Variants in SNRNP200 observed in about 807,000 individuals in gnomAD.
SNRNP200 encodes small nuclear ribonucleoprotein U5 subunit 200.
A neutral mutation model predicts 255.2 loss-of-function variants in SNRNP200; 66 were observed. The observed-to-expected ratio is 0.26, with a 90% CI of 0.21 to 0.32. The LOEUF is 0.32. SNRNP200 is among the 10% of genes least tolerant of loss of function. SNRNP200 has a pLI of 1.00. For synonymous variants in SNRNP200, 939 were observed against 1,027.8 expected, an observed-to-expected ratio of 0.91 and a Z score of 1.65; for missense variants, 1,585 against 2,749.8, an observed-to-expected ratio of 0.58 and a Z score of 9.47.
Position 96,283,636 on chromosome 2 carries a change from C to A in SNRNP200, c.4662G>T (p.Ser1554=). The change falls in exon 33 of 45, where the codon TCG becomes TCT. Residue 1554 remains serine (S), a synonymous_variant. Coordinates refer to ENST00000323853, the MANE Select transcript of SNRNP200 (RefSeq NM_014014.5). The surrounding 1 kb of genome is among the most constrained non-coding windows in gnomAD (Gnocchi z 4.7). ...KPVYHAITKH[S]PKKPVIVFVP... ...CAAAGACAATGACAGGCTTCTTGGG[C>A]GAGTGCTTGGTGATAGCATGGTACA... 1.9e-6 allele frequency: 3 copies of A among 1,614,054 alleles called. No homozygotes were observed. Among genetic ancestry groups the A allele is most frequent in the Non-Finnish European group, 2.5e-6 (3 of 1,180,028 alleles).
chr2:96,300,913 T>G (rs2063948517), intron 5 of SNRNP200, 85 bp downstream of exon 5: 2 of 1,125,284 alleles, frequency 1.8e-6, no homozygotes, highest in Non-Finnish European at 2.7e-6. Flanking sequence ...TGGTTTAAAC[T>G]AGAGAGCTTG....
In SNRNP200 at chr2:96,295,593, C is replaced by A; in HGVS notation, c.1737G>T (p.Glu579Asp). ...LTGDHQLCKEEISATQIIVCT... is the reference protein window; with the variant it reads ...LTGDHQLCKEDISATQIIVCT... Reference sequence around the variant, plus strand: ...AGACGATGATCTGAGTGGCACTGATCTCTTCTTTGCACAGCTGGTGGTCCC... The same window carrying A: ...AGACGATGATCTGAGTGGCACTGATATCTTCTTTGCACAGCTGGTGGTCCC... The change falls in exon 14 of 45, where the codon GAG becomes GAT. Residue 579 changes from glutamate to aspartate, a missense_variant. Physicochemically the swap from Glu to Asp is conservative, Grantham distance 45. Coordinates refer to ENST00000323853, the MANE Select transcript of SNRNP200 (RefSeq NM_014014.5). 6.2e-7 allele frequency: 1 copy of A among 1,614,094 alleles called. No homozygotes were observed. Among genetic ancestry groups the A allele is most frequent in the Middle Eastern group, 1.6e-4 (1 of 6,062 alleles).
At chr2:96,298,734 C>G in intron 7 of SNRNP200, 32 bp from the exon 8 acceptor site, 1 of 1,613,790 alleles carries the variant, frequency 6.2e-7, no homozygotes, top group South Asian at 1.1e-5. Flanking sequence ...ACCATTAAGG[C>G]CAAAGCCATC....
In SNRNP200 at chr2:96,290,912, A is replaced by C; in HGVS notation, c.2422-97T>G. On this transcript the variant is annotated intron_variant, in intron 18 of 44. Coordinates refer to ENST00000323853, the MANE Select transcript of SNRNP200 (RefSeq NM_014014.5). The surrounding 1 kb of genome is among the most constrained non-coding windows in gnomAD (Gnocchi z 4.5). Reference sequence around the variant, plus strand: ...GGCAGTTGGCCTCAGAGCTTCTCTCAGGACTAGCCGGTAGGGCGCGTGGGG... The same window carrying C: ...GGCAGTTGGCCTCAGAGCTTCTCTCCGGACTAGCCGGTAGGGCGCGTGGGG... 19 of 1,509,496 alleles carry C rather than the reference A, an allele frequency of 1.3e-5. No homozygotes were observed. The highest frequency in any genetic ancestry group is 1.6e-5 in the Non-Finnish European group (17 of 1,093,996). The allele number at this position is 1,509,496 out of a possible 1,614,324, so 93.5% of individuals were successfully genotyped here. A position where few individuals can be genotyped will look rare whatever the true frequency, so the allele number is the denominator to read the frequency against.
At position 96,296,990 on chromosome 2, in the gene SNRNP200, A is replaced by T. The variant is rs370876425; in HGVS notation, c.1458T>A (p.Ser486Arg). 6.2e-7 allele frequency: 1 copy of T among 1,614,152 alleles called. No individual in the cohort carries two copies. Among genetic ancestry groups the T allele is most frequent in the Non-Finnish European group, 8.5e-7 (1 of 1,180,036 alleles). Residue 486 changes from serine (S) to arginine (R), a missense_variant, in exon 12 of 45, where the codon AGT (serine) becomes AGA (arginine). Ser to Arg is a moderately radical substitution (Grantham distance 110). Coordinates refer to ENST00000323853, the MANE Select transcript of SNRNP200 (RefSeq NM_014014.5). ...TCTCAAGGGCAGCACGGTAGAGCTT[A>T]CTCTGGATCCGATTCAGTGTTTTGA... ...EGFKTLNRIQ[S>R]KLYRAALETD... is the part of the protein sequence containing the mutation.
intron 43 of SNRNP200, chr2:96,276,702 G>A (rs775539976): frequency 1.5e-6 from 1 of 681,734 alleles, no homozygotes; most frequent in South Asian, 1.5e-5. Flanking sequence ...TTACAGGCGT[G>A]AGCCACTGCG....
In SNRNP200 at chr2:96,289,880, T is replaced by C. The variant is rs753666803; in HGVS notation, c.2859A>G (p.Arg953=). 2.5e-6 allele frequency: 4 copies of C among 1,614,032 alleles called. No individual in the cohort carries two copies. Among genetic ancestry groups the C allele is most frequent in the Non-Finnish European group, 2.5e-6 (3 of 1,180,014 alleles). Residue 953 remains arginine, a synonymous_variant, in exon 21 of 45, where the codon CGA becomes CGG. Coordinates refer to ENST00000323853, the MANE Select transcript of SNRNP200 (RefSeq NM_014014.5). ...LKGDPLLDQR[R]LDLVHTAALM... Reference sequence around the variant, plus strand: ...GGGCAGCTGTATGAACCAGATCTAGTCGGCGCTGGTCCAGCAGGGGATCTC... The same window carrying C: ...GGGCAGCTGTATGAACCAGATCTAGCCGGCGCTGGTCCAGCAGGGGATCTC...
intron 34 of SNRNP200, chr2:96,282,793 A>T (rs1233430084): frequency 6.4e-6 from 2 of 311,868 alleles, no homozygotes; most frequent in Non-Finnish European, 1.3e-5. Context: ...TTTCATGTAC[A>T]GCCTGCAGAA....
chr2:96,304,409 G>A (rs989421763), intron 2 of SNRNP200, among the ~76,000 whole-genome samples: 1 of 152,150 alleles, frequency 6.6e-6, no homozygotes, highest in African/African-American at 2.4e-5. Flanking sequence ...AAAGGAAAAC[G>A]AATTACTGGG....
In SNRNP200 at chr2:96,291,421, C is replaced by G; in HGVS notation, c.2392G>C (p.Glu798Gln). The change falls in exon 18 of 45, where the codon GAG becomes CAG. Residue 798 changes from glutamate (E) to glutamine (Q), a missense_variant. Physicochemically the swap from Glu to Gln is conservative, Grantham distance 29. Around this residue, in one of 9 missense-constraint regions of SNRNP200, gnomAD observed 140 missense variants for 274.9 expected, o/e 0.51. Transcript: ENST00000323853. This position sits in a 1 kb window ranked among gnomAD's most constrained non-coding sequence, Gnocchi z 4.2. ...GMTRVDRTLV[E>Q]DLFADKHIQV... ...ATATGTTTATCAGCAAAAAGATCCTCCACGAGTGTTCGGTCAACCCTGGTC... is the reference window on the plus strand; with the variant it reads ...ATATGTTTATCAGCAAAAAGATCCTGCACGAGTGTTCGGTCAACCCTGGTC... 6.2e-7 allele frequency: 1 copy of G among 1,611,550 alleles called. No homozygotes were observed. The highest frequency in any genetic ancestry group is 8.5e-7 in the Non-Finnish European group (1 of 1,177,634).
intron 9 of SNRNP200, among the ~76,000 whole-genome samples, 163 bp from the exon 10 acceptor site, chr2:96,297,883 GCAAA>G (rs1325334745): frequency 2.0e-5 from 3 of 152,242 alleles, no homozygotes; most frequent in Non-Finnish European, 2.9e-5. Flanking sequence ...AATGATCAAA[GCAAA>G]CAAACACTTT....
intron 35 of SNRNP200, chr2:96,281,461 G>A (rs1316860981): frequency 1.2e-5 from 4 of 336,612 alleles, no homozygotes; most frequent in East Asian, 7.6e-5. Flanking sequence ...GAGCCACTGC[G>A]CTCGGCACTC....
chr2:96,298,566 G>A (rs2063933694), intron 8 of SNRNP200, 37 bp downstream of exon 8: 2 of 1,602,484 alleles, frequency 1.2e-6, no homozygotes, highest in Admixed American at 1.7e-5. Flanking sequence ...GCACACATAT[G>A]TACTCACTCT....
At position 96,274,814 on chromosome 2, in the gene SNRNP200, G is replaced by A. The variant is rs113490998; in HGVS notation, c.*198C>T. On this transcript the variant is annotated 3_prime_UTR_variant, in exon 45 of 45. Coordinates refer to ENST00000323853, the MANE Select transcript of SNRNP200 (RefSeq NM_014014.5). The stretch of plus-strand genomic sequence containing the variant: ...CCTGAAAATGCTATATATGATTTAT[G>A]CTTGACCCATGACACCTGCTGTCAC... 15 of 645,848 alleles carry A rather than the reference G, an allele frequency of 2.3e-5. No homozygotes were observed. Among genetic ancestry groups the A allele is most frequent in the African/African-American group, 1.4e-4 (8 of 55,366 alleles). 40.0% of individuals were successfully genotyped at this position (645,848 alleles called of 1,614,324 possible).
chr2:96,295,722 T>C, intron 13 of SNRNP200, 64 bp from the exon 14 acceptor site: 1 of 1,571,808 alleles, frequency 6.4e-7, no homozygotes, highest in Admixed American at 1.8e-5. Context: ...TGCTTTCTGT[T>C]TGGGCAATTG....
In SNRNP200 at chr2:96,275,076, C is replaced by T; in HGVS notation, c.6347G>A (p.Cys2116Tyr). ...LYFMSDAYMG[C>Y]DQEYKFSVDV... ...CACGCTGAATTTGTACTCCTGGTCA[C>T]ATCCCATGTAAGCGTCACTCATGAA... Residue 2116 changes from cysteine (C) to tyrosine (Y), a missense_variant, in exon 45 of 45, where the codon TGT becomes TAT. By Grantham distance (194) the Cys-to-Tyr change is radical. Transcript: ENST00000323853. The T allele has an allele frequency of 6.2e-7, 1 of 1,614,264 alleles. No individual in the cohort carries two copies. Among genetic ancestry groups the T allele is most frequent in the Non-Finnish European group, 8.5e-7 (1 of 1,180,040 alleles).
In SNRNP200 at chr2:96,281,811, C is replaced by A; in HGVS notation, c.5024+3G>T. 1 of 1,604,698 alleles carries A rather than the reference C, an allele frequency of 6.2e-7. No individual in the cohort carries two copies. Among genetic ancestry groups the A allele is most frequent in the South Asian group, 1.1e-5 (1 of 90,900 alleles). ...GCTAACACAGAGCACCAGTTGTACT[C>A]ACGCGTGGATCTTGCCATTGTAGTA... is the stretch of plus-strand genomic sequence containing the variant. On this transcript the variant is annotated splice_donor_region_variant and intron_variant, in intron 35 of 44. Coordinates refer to ENST00000323853, the MANE Select transcript of SNRNP200 (RefSeq NM_014014.5).
In SNRNP200 at chr2:96,289,271, C is replaced by T. The variant is rs2063868772; in HGVS notation, c.3049G>A (p.Val1017Ile). The T allele has an allele frequency of 6.2e-7, 1 of 1,614,094 alleles. No homozygotes were observed. The highest frequency in any genetic ancestry group is 1.1e-5 in the South Asian group (1 of 91,092). Residue 1017 changes from valine (V) to isoleucine (I), a missense_variant, in exon 22 of 45, where the codon GTC becomes ATC. Val to Ile is a conservative substitution (Grantham distance 29, BLOSUM62 3). This residue lies in a region of SNRNP200 where 719 missense variants were observed against 1,091.1 expected (regional missense o/e 0.66). Coordinates refer to ENST00000323853, the MANE Select transcript of SNRNP200 (RefSeq NM_014014.5). ...TTGAACTCAGAGGACAATGAGAAGA[C>T]CCTGAAAAGCTCAATCTCACTCAGG... is the stretch of plus-strand genomic sequence containing the variant. ...PTLSEIELFR[V>I]FSLSSEFKNI... is the part of the protein sequence containing the mutation.
chr2:96,279,618 G>T, intron 35 of SNRNP200, 59 bp from the exon 36 acceptor site: 1 of 1,091,316 alleles, frequency 9.2e-7, no homozygotes. Flanking sequence ...CCATGCTCAG[G>T]AAGCCCAACT....
Sources: gnomAD v4.1 joint callset for allele counts (sites outside exome capture counted in the v4.1 genomes callset) on GRCh38, gnomAD v4.1.1 for gene constraint, gnomAD v4.1.1 regional missense constraint, Gnocchi (gnomAD v3.1) non-coding constraint, MANE v1.5 for transcripts, NCBI Gene and HGNC (gene_info 2026-07-23, HGNC 2026-07-21) for gene names.